The following KLF8 variants were observed in gnomAD, a reference collection of about 807,000 sequenced individuals.
The protein encoded by KLF8 is KLF transcription factor 8, also known as Krueppel-like factor 8.
Under a neutral mutation model 18.2 loss-of-function variants are expected in KLF8, and 10 were observed. The observed-to-expected ratio is 0.55, with a 90% confidence interval of 0.34 to 0.93. The LOEUF is 0.93. Ranked by LOEUF, KLF8 falls within the 40% of genes least tolerant of loss-of-function variation. KLF8 has a pLI of 0.02. For synonymous variants in KLF8, 109 were observed against 97.3 expected (o/e 1.12, Z -0.71); for missense variants, 264 against 277.9 (o/e 0.95, Z 0.36).
chrX:56,178,161 A>T, the KLF8 span, among the ~76,000 whole-genome samples: 2 of 112,229 alleles, frequency 1.8e-5, no homozygotes, highest in East Asian at 5.7e-4. Context: ...CCTCAGTTGG[A>T]AATGCAGAAA....
At chrX:56,128,532 C>A in the KLF8 span, among the ~76,000 whole-genome samples, 1 of 111,265 alleles carries the variant, frequency 9.0e-6, no homozygotes, top group Non-Finnish European at 1.9e-5. Context: ...CAACTCCCAA[C>A]CTCAATAGAA....
chrX:56,179,371 T>A, the KLF8 span, among the ~76,000 whole-genome samples: 2 of 112,635 alleles, frequency 1.8e-5, no homozygotes, highest in Non-Finnish European at 3.7e-5. Context: ...AATTTGCTTA[T>A]CAGCTTAAGG....
At chrX:56,198,988 G>A in the KLF8 span, among the ~76,000 whole-genome samples, 7 of 111,723 alleles carry the variant, frequency 6.3e-5, no homozygotes, top group Non-Finnish European at 1.3e-4. Flanking sequence ...AAGAAATGGG[G>A]AAAGGATTCC....
At chrX:55,978,944 A>G in the KLF8 span, among the ~76,000 whole-genome samples, 1 of 111,924 alleles carries the variant, frequency 8.9e-6, no homozygotes, top group African/African-American at 3.2e-5. Flanking sequence ...GATCTGTCTT[A>G]AAAGATAAAA....
chrX:56,125,804 G>C, the KLF8 span, among the ~76,000 whole-genome samples: 25 of 112,004 alleles, frequency 2.2e-4, no homozygotes, highest in African/African-American at 7.1e-4. Flanking sequence ...TACCAGTGCA[G>C]TGTTATTACT....
the KLF8 span, among the ~76,000 whole-genome samples, chrX:56,123,855 G>A: frequency 8.9e-6 from 1 of 111,946 alleles, no homozygotes; most frequent in East Asian, 2.8e-4. Context: ...CATGTCCTAT[G>A]TGACAGGCAC....
the KLF8 span, among the ~76,000 whole-genome samples, chrX:55,922,376 A>G: frequency 8.9e-6 from 1 of 112,470 alleles, no homozygotes; most frequent in African/African-American, 3.2e-5. Context: ...AAAACCAAAC[A>G]CTGCGTGTTC....
chrX:55,944,509 G>A, the KLF8 span, among the ~76,000 whole-genome samples: 6 of 111,133 alleles, frequency 5.4e-5, no homozygotes, highest in African/African-American at 2.0e-4. Flanking sequence ...CAATTTCAGA[G>A]CCTGTTATTG....
At chrX:55,945,080 C>A in the KLF8 span, among the ~76,000 whole-genome samples, 1 of 111,213 alleles carries the variant, frequency 9.0e-6, no homozygotes, top group African/African-American at 3.3e-5. Flanking sequence ...GCCTTCATTT[C>A]GTTATGTACC....
the KLF8 span, among the ~76,000 whole-genome samples, chrX:55,964,534 GC>G: frequency 8.9e-6 from 1 of 111,744 alleles, no homozygotes; most frequent in African/African-American, 3.3e-5. Context: ...CCAAGATTGT[GC>G]CACTGCACTC....
chrX:55,943,478 G>C, the KLF8 span, among the ~76,000 whole-genome samples: 4 of 111,222 alleles, frequency 3.6e-5, no homozygotes, highest in African/African-American at 1.3e-4. Flanking sequence ...GGAGGTGAGA[G>C]GAAAGTTGGT....
chrX:56,058,269 CATATATATACATATATATATATAT>C, the KLF8 span, among the ~76,000 whole-genome samples: 19 of 15,965 alleles, frequency 1.2e-3, 1 homozygote, highest in African/African-American at 3.6e-3. Context: ...CATATATATA[CATATATATACATATATATATATAT>C]ATATATATAT....
chrX:56,023,412 C>G, the KLF8 span, among the ~76,000 whole-genome samples: 1 of 111,836 alleles, frequency 8.9e-6, no homozygotes, highest in Non-Finnish European at 1.9e-5. Flanking sequence ...CACGTGCTTT[C>G]TATGAGACAA....
the KLF8 span, among the ~76,000 whole-genome samples, chrX:56,066,132 A>AGGTGGTTTCCTCTAGTGTT: frequency 3.4e-4 from 38 of 112,006 alleles, no homozygotes; most frequent in African/African-American, 1.2e-3. Context: ...TCTGGCTCCC[A>AGGTGGTTTCCTCTAGTGTT]GGTGGTTTCC....
chrX:56,010,918 G>A, the KLF8 span, among the ~76,000 whole-genome samples: 2 of 112,354 alleles, frequency 1.8e-5, no homozygotes, highest in Non-Finnish European at 3.8e-5. Flanking sequence ...AACAAGAAGA[G>A]CTAATTATCC....
At chrX:56,091,693 C>T in the KLF8 span, among the ~76,000 whole-genome samples, 3 of 111,140 alleles carry the variant, frequency 2.7e-5, no homozygotes, top group East Asian at 8.5e-4. Flanking sequence ...AAGGGTTTCA[C>T]CATGTTAGCC....
the KLF8 span, among the ~76,000 whole-genome samples, chrX:56,043,143 C>T: frequency 1.8e-5 from 2 of 110,957 alleles, no homozygotes; most frequent in East Asian, 2.8e-4. Context: ...GAATATTGGC[C>T]CCCAATCTTT....
the KLF8 span, among the ~76,000 whole-genome samples, chrX:55,975,613 T>C: frequency 9.0e-6 from 1 of 111,412 alleles, no homozygotes; most frequent in Non-Finnish European, 1.9e-5. Flanking sequence ...CGCAAAATAG[T>C]GTTTTTCTTT....
In KLF8 at chrX:56,287,490, A is replaced by C. The variant is rs187957942; in HGVS notation, c.*2996A>C. ...TTGAATTTGTTGTGTTTACAACAGC[A>C]AAGCACCGTTAGCCTGGACAGTTGC... On this transcript the variant is annotated 3_prime_UTR_variant, in exon 6 of 6. Coordinates refer to ENST00000468660, the MANE Select transcript of KLF8 (RefSeq NM_007250.5). 1 of 112,330 alleles carries C rather than the reference A, an allele frequency of 8.9e-6. No homozygotes were observed. Among genetic ancestry groups the C allele is most frequent in the African/African-American group, 3.2e-5 (1 of 30,961 alleles). 9.3% of individuals were successfully genotyped at this position (112,330 alleles called of 1,213,427 possible).
Sources: allele counts gnomAD v4.1 joint callset (sites outside exome capture counted in the v4.1 genomes callset), GRCh38; gene constraint gnomAD v4.1.1; transcripts MANE v1.5; gene names NCBI Gene and HGNC (gene_info 2026-07-23, HGNC 2026-07-21).